STAU2: variants seen among roughly 807,000 people sequenced by gnomAD.
STAU2 encodes double-stranded RNA-binding protein Staufen homolog 2.
In STAU2, 20 loss-of-function variants were observed where a neutral mutation model predicts 65.9. The observed-to-expected ratio is 0.30, with a 90% CI of 0.21 to 0.44. The LOEUF is 0.44. STAU2 is among the 20% of genes least tolerant of loss of function. STAU2 has a pLI of 1.00. For synonymous variants in STAU2, 232 were observed against 233.9 expected (o/e 0.99, Z 0.07); for missense variants, 558 against 683.9 (o/e 0.82, Z 2.05).
intron 13 of STAU2, among the ~76,000 whole-genome samples, chr8:73,463,237 C>T (rs1326891315): frequency 6.6e-6 from 1 of 152,216 alleles, no homozygotes; most frequent in East Asian, 1.9e-4. Context: ...TGGCCATAGA[C>T]CTTGTGCATG....
At chr8:73,456,945 C>T (rs1013346807) in intron 13 of STAU2, among the ~76,000 whole-genome samples, 4 of 152,172 alleles carry the variant, frequency 2.6e-5, no homozygotes, top group Non-Finnish European at 5.9e-5. Flanking sequence ...TCTTAATGTT[C>T]CCAAATCTTT....
At chr8:73,446,596 A>G (rs1201696367) in intron 13 of STAU2, among the ~76,000 whole-genome samples, 1 of 152,202 alleles carries the variant, frequency 6.6e-6, no homozygotes, top group Non-Finnish European at 1.5e-5. Flanking sequence ...AACAAAATTA[A>G]AACTGTGCTT....
intron 13 of STAU2, among the ~76,000 whole-genome samples, chr8:73,495,526 C>G (rs1821362611): frequency 6.6e-6 from 1 of 151,000 alleles, no homozygotes; most frequent in Non-Finnish European, 1.5e-5. Flanking sequence ...TGCTAATATA[C>G]TATCATAGAA....
At chr8:73,592,587 G>A (rs1392259415) in intron 11 of STAU2, among the ~76,000 whole-genome samples, 2 of 152,094 alleles carry the variant, frequency 1.3e-5, no homozygotes, top group African/African-American at 4.8e-5. Context: ...AACCAGGTGA[G>A]GTGCCTCACG....
At chr8:73,503,347 G>T (rs987990589) in intron 13 of STAU2, among the ~76,000 whole-genome samples, 2 of 152,130 alleles carry the variant, frequency 1.3e-5, no homozygotes, top group Admixed American at 1.3e-4. Context: ...GAGGCTTAAA[G>T]TAATAGCAGG....
chr8:73,521,811 T>C (rs6989139), intron 13 of STAU2, among the ~76,000 whole-genome samples: 58,635 of 152,086 alleles, frequency 0.39, 12,621 homozygotes, highest in Non-Finnish European at 0.48. Flanking sequence ...CTACTTATAA[T>C]ATTTTCAATT....
chr8:73,746,865 TCCACCCCTCGGGCTCC>T (rs1460198514), upstream of STAU2: 14 of 1,199,114 alleles, frequency 1.2e-5, no homozygotes, highest in African/African-American at 2.2e-4. Flanking sequence ...GCCGCCGGCT[TCCACCCCTCGGGCTCC>T]CCGCCCCCCG....
At chr8:73,463,731 A>G (rs571664943) in intron 13 of STAU2, among the ~76,000 whole-genome samples, 2 of 152,220 alleles carry the variant, frequency 1.3e-5, no homozygotes, top group Non-Finnish European at 2.9e-5. Context: ...TGTTTATCTC[A>G]TATCTGGAAT....
rs1459168145 is a variant in STAU2 at position 73,532,523 on chromosome 8, C to CA, written c.1530+19488dup. Among the ~76,000 whole-genome samples the CA allele has an allele frequency of 2.6e-5, 4 of 151,880 alleles. 1 individual carries two copies. The highest frequency in any genetic ancestry group is 2.9e-5 in the Non-Finnish European group (2 of 67,924). On this transcript the variant is annotated intron_variant, in intron 13 of 14. Transcript: ENST00000524300. ...GGCAACACAGGAGACCCCATCTCTA[C>CA]AAAAAAAATTAGACAGGTGTGGTGT...
chr8:73,524,364 G>A (rs1381715014), intron 13 of STAU2, among the ~76,000 whole-genome samples: 2 of 152,078 alleles, frequency 1.3e-5, no homozygotes, highest in Non-Finnish European at 2.9e-5. Flanking sequence ...GGGGGACGCA[G>A]GGAACAAAGA....
chr8:73,519,251 T>C (rs1822909490), intron 13 of STAU2, among the ~76,000 whole-genome samples: 1 of 152,140 alleles, frequency 6.6e-6, no homozygotes, highest in Non-Finnish European at 1.5e-5. Context: ...GATGAAGACA[T>C]GGAATCTGTT....
Position 73,422,654 on chromosome 8 carries a change from T to G in STAU2, c.1579A>C (p.Ile527Leu), listed in dbSNP as rs114263344. 26,524 of 1,512,458 alleles carry G rather than the reference T, an allele frequency of 0.018. 361 individuals are homozygous for G. Among genetic ancestry groups the G allele is most frequent in the South Asian group, 0.043 (3,313 of 77,796 alleles). The allele number at this position is 1,512,458 out of a possible 1,614,324, so 93.7% of individuals were successfully genotyped here. The change falls in exon 14 of 15, where the codon ATC becomes CTC. Residue 527 changes from isoleucine to leucine, a missense_variant. Physicochemically the swap from Ile to Leu is conservative, Grantham distance 5. This residue lies in a region of STAU2 where 247 missense variants were observed against 270.1 expected (regional missense o/e 0.91). Transcript: ENST00000524300. ...TTTTCGATATTCATTGCTCCATCGA[T>G]TGGATCCAGTCCTTGTTCAGAAAAT... is the stretch of plus-strand genomic sequence containing the variant. Reference protein sequence around the residue: ...KQFSEQGLDPIDGAMNIEKGS... With the variant: ...KQFSEQGLDPLDGAMNIEKGS...
At chr8:73,724,675 G>GTGTGTATA (rs144911202) in intron 3 of STAU2, among the ~76,000 whole-genome samples, 1 of 138,102 alleles carries the variant, frequency 7.2e-6, no homozygotes, top group Non-Finnish European at 1.6e-5. Context: ...GTGTGTGTGT[G>GTGTGTATA]TATATATATA....
At chr8:73,651,713 G>T in intron 6 of STAU2, 3 of 457,258 alleles carry the variant, frequency 6.6e-6, no homozygotes, top group African/African-American at 2.0e-5. Flanking sequence ...CCCAGGAAGT[G>T]GCATGCATAC....
At chr8:73,624,398 T>G (rs1404471725) in intron 6 of STAU2, among the ~76,000 whole-genome samples, 5 of 152,166 alleles carry the variant, frequency 3.3e-5, no homozygotes, top group Admixed American at 2.0e-4. Flanking sequence ...GGAACCAACA[T>G]AAACTTGTTC....
intron 9 of STAU2, among the ~76,000 whole-genome samples, chr8:73,611,912 CCTCAAA>C (rs1332837621): frequency 1.3e-5 from 2 of 152,138 alleles, no homozygotes; most frequent in African/African-American, 4.8e-5. Flanking sequence ...GAACTCCTAG[CCTCAAA>C]TGATCCACCC....
intron 14 of STAU2, 133 bp downstream of exon 14, chr8:73,422,481 A>G (rs1816453949): frequency 4.5e-6 from 3 of 664,908 alleles, no homozygotes; most frequent in Non-Finnish European, 6.9e-6. Context: ...ATTTCTTTAC[A>G]TTTAATTGTA....
rs1810090188 is a variant in STAU2, at chr8:73,582,837, G to C, written c.1162-7C>G. On this transcript the variant is annotated splice_polypyrimidine_tract_variant and splice_region_variant and intron_variant, in intron 11 of 14. Coordinates refer to ENST00000524300, the MANE Select transcript of STAU2 (RefSeq NM_001164380.2). Reference sequence around the variant, plus strand: ...ATCCTTTGTTTTCCCCTGTCTGAAAGATTAAATCAATCGTTCAAATCCAGA... The same window carrying C: ...ATCCTTTGTTTTCCCCTGTCTGAAACATTAAATCAATCGTTCAAATCCAGA... 1 of 1,597,374 alleles carries C rather than the reference G, an allele frequency of 6.3e-7. No homozygotes were observed. The highest frequency in any genetic ancestry group is 1.3e-5 in the African/African-American group (1 of 74,130).
Position 73,686,702 on chromosome 8 carries a change from C to T in STAU2, c.274+1952G>A, listed in dbSNP as rs190247706. Among the ~76,000 whole-genome samples, 140 of 151,208 alleles carry T rather than the reference C, an allele frequency of 9.3e-4. 1 individual carries two copies. The East Asian group carries it at 0.024, about 25-fold the overall frequency. ...ATCACGGAAGAATTTATCAATGTAA[C>T]CGAATACCACCTGTTCCCCAAAAAC... On this transcript the variant is annotated intron_variant, in intron 5 of 14. Coordinates refer to ENST00000524300, the MANE Select transcript of STAU2 (RefSeq NM_001164380.2).
Sources: allele counts gnomAD v4.1 joint callset (sites outside exome capture counted in the v4.1 genomes callset), GRCh38; gene constraint gnomAD v4.1.1; regional missense constraint gnomAD v4.1.1; transcripts MANE v1.5; gene names NCBI Gene and HGNC (gene_info 2026-07-23, HGNC 2026-07-21).